Variants in ITGA11 observed in about 807,000 individuals in gnomAD.
ITGA11 encodes integrin alpha-11.
Under a neutral mutation model 141.9 loss-of-function variants are expected in ITGA11, and 97 were observed. The observed-to-expected ratio is 0.68, with a 90% CI of 0.58 to 0.81. The LOEUF (loss-of-function observed/expected upper bound fraction) is 0.81. Among genes scored for constraint, ITGA11 ranks in the 30% least tolerant of loss-of-function variants. ITGA11 has a pLI of 0.00. For synonymous variants in ITGA11, 658 were observed against 624.6 expected, an observed-to-expected ratio of 1.05 and a Z score of -0.80; for missense variants, 1,387 against 1,559.2, an observed-to-expected ratio of 0.89 and a Z score of 1.86.
chr15:68,306,467 C>T (rs556250129), intron 28 of ITGA11, among the ~76,000 whole-genome samples: 33 of 152,282 alleles, frequency 2.2e-4, no homozygotes, highest in African/African-American at 7.2e-4. Context: ...GTCCCTCGCT[C>T]GGAATCGCTC....
At chr15:68,336,494 G>A (rs1454307077) in intron 11 of ITGA11, among the ~76,000 whole-genome samples, 2 of 152,154 alleles carry the variant, frequency 1.3e-5, no homozygotes, top group Non-Finnish European at 2.9e-5. Flanking sequence ...AACCCCAGGG[G>A]CTCTTTTGGA....
intron 2 of ITGA11, among the ~76,000 whole-genome samples, chr15:68,382,027 G>C (rs1895876056): frequency 6.6e-6 from 1 of 152,206 alleles, no homozygotes; most frequent in African/African-American, 2.4e-5. Flanking sequence ...GGTTGCATTA[G>C]GGAATCATTG....
At chr15:68,348,290 G>A (rs1894801491) in intron 10 of ITGA11, among the ~76,000 whole-genome samples, 1 of 152,132 alleles carries the variant, frequency 6.6e-6, no homozygotes, top group Non-Finnish European at 1.5e-5. Flanking sequence ...AGTGGGGGGG[G>A]CCTATGAGTC....
intron 1 of ITGA11, among the ~76,000 whole-genome samples, chr15:68,412,723 T>G (rs997679323): frequency 1.5e-5 from 2 of 136,126 alleles, no homozygotes; most frequent in Non-Finnish European, 3.1e-5. Context: ...TCACCCAGAC[T>G]GGAGTACAAT....
intron 7 of ITGA11, among the ~76,000 whole-genome samples, chr15:68,353,539 T>G (rs1894978328): frequency 6.6e-6 from 1 of 152,226 alleles, no homozygotes; most frequent in East Asian, 1.9e-4. Flanking sequence ...AAGAAAAATG[T>G]CAGGATCATA....
intron 4 of ITGA11, among the ~76,000 whole-genome samples, chr15:68,362,940 GGATGATGGATGA>G (rs1358753905): frequency 1.7e-4 from 26 of 151,232 alleles, no homozygotes; most frequent in Non-Finnish European, 2.8e-4. Flanking sequence ...ATGGATGAAT[GGATGATGGATGA>G]ATGGATGATG....
chr15:68,317,465 GCCTCA>G, intron 20 of ITGA11, 102 bp from the exon 21 acceptor site: 3 of 818,238 alleles, frequency 3.7e-6, no homozygotes, highest in Non-Finnish European at 6.5e-6. Flanking sequence ...TGCAGGGGCC[GCCTCA>G]GCCCCTGATA....
At chr15:68,313,330 G>T (rs1321067511) in intron 23 of ITGA11, among the ~76,000 whole-genome samples, 4 of 151,772 alleles carry the variant, frequency 2.6e-5, no homozygotes, top group Non-Finnish European at 5.9e-5. Flanking sequence ...TGCCAAGGGG[G>T]TGGGGGTGGG....
chr15:68,309,202 T>C (rs1473797576), intron 26 of ITGA11, among the ~76,000 whole-genome samples: 1 of 152,224 alleles, frequency 6.6e-6, no homozygotes, highest in Non-Finnish European at 1.5e-5. Flanking sequence ...CAAACACAGA[T>C]CAGTCAAGAG....
Position 68,402,167 on chromosome 15 carries a change from A to G in ITGA11, c.164+751T>C, listed in dbSNP as rs182348374. On this transcript the variant is annotated intron_variant, in intron 2 of 29. Coordinates refer to ENST00000315757, the MANE Select transcript of ITGA11 (RefSeq NM_001004439.2). ...TCTCTTGACTATGCAAGGGCTTCTA[A>G]AAGGGCCATGCAGAGTCCTGGCCCT... 2.9e-3 allele frequency among the ~76,000 whole-genome samples: 434 copies of G among 152,026 alleles called. 1 individual carries two copies. The highest frequency in any genetic ancestry group is 4.4e-3 in the Non-Finnish European group (298 of 67,966).
At chr15:68,351,166 A>G (rs1894899104) in intron 8 of ITGA11, 92 bp downstream of exon 8, 1 of 1,381,334 alleles carries the variant, frequency 7.2e-7, no homozygotes, top group Non-Finnish European at 9.9e-7. Context: ...CACTTGTGAT[A>G]CTGCCTGGAA....
Position 68,321,526 on chromosome 15 carries a change from T to C in ITGA11, c.2323-23A>G, listed in dbSNP as rs752653989. 1 of 1,550,636 alleles carries C rather than the reference T, an allele frequency of 6.4e-7. No individual in the cohort carries two copies. The highest frequency in any genetic ancestry group is 1.2e-5 in the South Asian group (1 of 85,054). ...CACCTGGGCCAGGGAGAGCCAGGTG[T>C]GGGCAGCTGGGTAGGGACCCGCAGC... On this transcript the variant is annotated intron_variant, in intron 18 of 29. Transcript: ENST00000315757. This position sits in a 1 kb window ranked among gnomAD's most constrained non-coding sequence, Gnocchi z 4.9.
At chr15:68,318,413 G>A (rs112336719) in intron 20 of ITGA11, among the ~76,000 whole-genome samples, 134 of 152,258 alleles carry the variant, frequency 8.8e-4, no homozygotes, top group African/African-American at 2.9e-3. Context: ...GATTCCCTCC[G>A]TATACCTGAA....
intron 2 of ITGA11, among the ~76,000 whole-genome samples, chr15:68,396,661 G>C (rs988413115): frequency 4.0e-5 from 6 of 151,146 alleles, no homozygotes; most frequent in Admixed American, 6.6e-5. Context: ...GATTGTATAT[G>C]TAGAAAATCC....
At chr15:68,318,759 G>T (rs1427352908) in intron 20 of ITGA11, among the ~76,000 whole-genome samples, 1 of 152,154 alleles carries the variant, frequency 6.6e-6, no homozygotes, top group Non-Finnish European at 1.5e-5. Flanking sequence ...GTGCTGGGCA[G>T]TGGTTCTGGG....
intron 4 of ITGA11, among the ~76,000 whole-genome samples, chr15:68,363,127 T>C (rs1244781105): frequency 1.3e-5 from 2 of 152,112 alleles, no homozygotes; most frequent in African/African-American, 2.4e-5. Flanking sequence ...GGTGGATCGA[T>C]GTATAGACAG....
chr15:68,311,180 G>T, intron 25 of ITGA11, 100 bp from the exon 26 acceptor site: 1 of 1,265,344 alleles, frequency 7.9e-7, no homozygotes, highest in Non-Finnish European at 1.1e-6. Flanking sequence ...TCCTCTAGCC[G>T]TGGTCCTGGG....
rs1893843124 is a variant in ITGA11, at chr15:68,322,459, G to C, written c.2323-956C>G. Among the ~76,000 whole-genome samples, 1 of 152,158 alleles carries C rather than the reference G, an allele frequency of 6.6e-6. No homozygotes were observed. The highest frequency in any genetic ancestry group is 2.1e-4 in the South Asian group (1 of 4,822). ...GAGGAAATAGGTTAGTGACCCCAGA[G>C]GCGGGATCAATAGGAACCTGGAGGT... On this transcript the variant is annotated intron_variant, in intron 18 of 29. Transcript: ENST00000315757. The surrounding 1 kb of genome is among the most constrained non-coding windows in gnomAD (Gnocchi z 5.6).
intron 2 of ITGA11, among the ~76,000 whole-genome samples, chr15:68,386,249 GGTGGTA>G (rs1895981952): frequency 6.6e-6 from 1 of 152,278 alleles, no homozygotes; most frequent in East Asian, 1.9e-4. Flanking sequence ...AAGCTTTGGG[GGTGGTA>G]GTGGTAGTGG....
Sources: allele counts gnomAD v4.1 joint callset (sites outside exome capture counted in the v4.1 genomes callset), GRCh38; gene constraint gnomAD v4.1.1; non-coding constraint Gnocchi (gnomAD v3.1); transcripts MANE v1.5; gene names NCBI Gene and HGNC (gene_info 2026-07-23, HGNC 2026-07-21).